The following OTOGL variants were observed in gnomAD, a reference collection of about 807,000 sequenced individuals.
OTOGL encodes otogelin-like protein.
OTOGL carries 285 observed loss-of-function variants against 318.5 expected under a neutral mutation model. That is an observed-to-expected ratio of 0.89 (90% CI 0.81 to 0.99). OTOGL has a LOEUF of 0.99. Among genes scored for constraint, OTOGL ranks in the 50% least tolerant of loss-of-function variants. The pLI is 0.00. For synonymous variants in OTOGL, 987 were observed against 936.5 expected, an observed-to-expected ratio of 1.05 and a Z score of -0.99; for missense variants, 2,899 against 2,845.6, an observed-to-expected ratio of 1.02 and a Z score of -0.43.
chr12:80,283,803 T>C (rs2137645278), intron 26 of OTOGL, among the ~76,000 whole-genome samples: 1 of 152,166 alleles, frequency 6.6e-6, no homozygotes, highest in East Asian at 1.9e-4. Flanking sequence ...CCTAGGAATA[T>C]TGTTAAAATA....
intron 1 of OTOGL, among the ~76,000 whole-genome samples, chr12:80,191,322 C>G (rs1209789626): frequency 6.6e-6 from 1 of 152,138 alleles, no homozygotes; most frequent in African/African-American, 2.4e-5. Context: ...GCTGTAATCC[C>G]AGCTACTCGG....
chr12:80,275,523 A>G (rs73358946), intron 24 of OTOGL, among the ~76,000 whole-genome samples: 28,014 of 151,896 alleles, frequency 0.18, 3,134 homozygotes, highest in African/African-American at 0.31. Context: ...TGTCAGAATG[A>G]TAATAAAAGA....
In OTOGL at chr12:80,219,913, G is replaced by A. The variant is rs377761767; in HGVS notation, c.334+1G>A. The A allele has an allele frequency of 1.9e-6, 3 of 1,546,358 alleles. No homozygotes were observed. The highest frequency in any genetic ancestry group is 2.6e-6 in the Non-Finnish European group (3 of 1,134,476). On this transcript the variant is annotated splice_donor_variant, in intron 6 of 58. Coordinates refer to ENST00000547103, the MANE Select transcript of OTOGL (RefSeq NM_001378609.3). LOFTEE classifies it high-confidence loss of function. Reference sequence around the variant, plus strand: ...GCTCTTGGGACAAGATGCCAGATCAGTAAGTTTCAGGGATGCTTGTGAGAT... The same window carrying A: ...GCTCTTGGGACAAGATGCCAGATCAATAAGTTTCAGGGATGCTTGTGAGAT...
chr12:80,099,754 A>G (rs1869022724), intron 1 of OTOGL, 149 bp downstream of exon 1: 1 of 152,186 alleles, frequency 6.6e-6, no homozygotes, highest in African/African-American at 2.4e-5. Flanking sequence ...TTGGCATAGA[A>G]AACATTTAAA....
chr12:80,313,995 A>G (rs1886816954), intron 31 of OTOGL, among the ~76,000 whole-genome samples: 1 of 152,116 alleles, frequency 6.6e-6, no homozygotes, highest in Non-Finnish European at 1.5e-5. Flanking sequence ...TTGCTTTCAG[A>G]TTTGACTCTT....
At chr12:80,374,398 A>G (rs1156994317) in intron 57 of OTOGL, among the ~76,000 whole-genome samples, 1 of 152,178 alleles carries the variant, frequency 6.6e-6, no homozygotes, top group East Asian at 1.9e-4. Flanking sequence ...TTAAGACACA[A>G]TTCAACCCAT....
At chr12:80,277,011 C>T (rs1228135043) in intron 24 of OTOGL, among the ~76,000 whole-genome samples, 2 of 150,762 alleles carry the variant, frequency 1.3e-5, no homozygotes, top group Non-Finnish European at 3.0e-5. Flanking sequence ...TTTTTATAAT[C>T]TTGAATTTTT....
chr12:80,285,092 A>G (rs1884512037), intron 26 of OTOGL, among the ~76,000 whole-genome samples: 2 of 152,234 alleles, frequency 1.3e-5, no homozygotes, highest in South Asian at 2.1e-4. Flanking sequence ...AGTTTTCCGC[A>G]TATGGTTAAC....
intron 5 of OTOGL, among the ~76,000 whole-genome samples, chr12:80,219,369 C>A (rs1878062819): frequency 6.6e-6 from 1 of 152,212 alleles, no homozygotes. Flanking sequence ...GCCTTGGCTT[C>A]CCAGAGTGCT....
At chr12:80,369,126 G>A (rs994196402) in intron 55 of OTOGL, among the ~76,000 whole-genome samples, 3 of 151,768 alleles carry the variant, frequency 2.0e-5, no homozygotes, top group African/African-American at 4.8e-5. Flanking sequence ...GGTTGCAAAT[G>A]ACATTTATAA....
At chr12:80,343,497 T>G (rs1172281428) in intron 44 of OTOGL, 25 of 142,368 alleles carry the variant, frequency 1.8e-4, no homozygotes, top group East Asian at 6.2e-4. Context: ...ATTTTTATTA[T>G]TTTTTATTCT....
intron 26 of OTOGL, among the ~76,000 whole-genome samples, chr12:80,285,054 A>G (rs1040779854): frequency 2.6e-5 from 4 of 152,040 alleles, no homozygotes; most frequent in South Asian, 2.1e-4. Context: ...TAATTTTTGT[A>G]TAAGGTGTAA....
intron 32 of OTOGL, 88 bp from the exon 33 acceptor site, chr12:80,318,456 ATT>A (rs2137823040): frequency 2.1e-6 from 2 of 932,530 alleles, no homozygotes; most frequent in Admixed American, 8.5e-5. Flanking sequence ...TTTTTGAAGT[ATT>A]TTGTTATTAA....
intron 1 of OTOGL, among the ~76,000 whole-genome samples, chr12:80,117,861 T>A (rs147575673): frequency 1.3e-5 from 2 of 152,348 alleles, no homozygotes; most frequent in African/African-American, 4.8e-5. Flanking sequence ...AAAATGCCCT[T>A]CCTGCTACTG....
intron 11 of OTOGL, among the ~76,000 whole-genome samples, chr12:80,250,037 C>CT (rs1157217013): frequency 6.6e-6 from 1 of 151,898 alleles, no homozygotes; most frequent in Non-Finnish European, 1.5e-5. Context: ...GCACGGTGCG[C>CT]GCACCCACTG....
At chr12:80,251,644 TC>T (rs1408395225) in intron 11 of OTOGL, 48 bp from the exon 12 acceptor site, 1 of 1,427,574 alleles carries the variant, frequency 7.0e-7, no homozygotes, top group Non-Finnish European at 9.7e-7. Context: ...TGGTATGGTT[TC>T]TGTCAATATT....
intron 9 of OTOGL, among the ~76,000 whole-genome samples, chr12:80,233,806 T>C (rs1407222814): frequency 6.6e-6 from 1 of 152,224 alleles, no homozygotes; most frequent in African/African-American, 2.4e-5. Flanking sequence ...GAACTTGGGT[T>C]TGAATCTCCT....
chr12:80,379,308 G>T lies in OTOGL; in HGVS notation c.*1260G>T, dbSNP rs1311759536. On this transcript the variant is annotated 3_prime_UTR_variant, in exon 59 of 59. Transcript: ENST00000547103. ...AACAGTAAAGTCTCATTGCAAAGCA[G>T]ATACTGGGCCTCAAGGGTGGGCTTA... 5 of 151,972 alleles carry T rather than the reference G, an allele frequency of 3.3e-5. No homozygotes were observed. Among genetic ancestry groups the T allele is most frequent in the Non-Finnish European group, 7.4e-5 (5 of 67,898 alleles). The allele number at this position is 151,972 out of a possible 1,614,324, so 9.4% of individuals were successfully genotyped here.
intron 1 of OTOGL, among the ~76,000 whole-genome samples, chr12:80,165,255 T>C (rs934630235): frequency 1.3e-5 from 2 of 152,238 alleles, no homozygotes; most frequent in African/African-American, 4.8e-5. Context: ...AAATGACATG[T>C]GCTTTGCTTC....
Sources: gnomAD v4.1 joint callset for allele counts (sites outside exome capture counted in the v4.1 genomes callset) on GRCh38, gnomAD v4.1.1 for gene constraint, MANE v1.5 for transcripts, NCBI Gene and HGNC (gene_info 2026-07-23, HGNC 2026-07-21) for gene names.